CAP1: variants seen among roughly 807,000 people sequenced by gnomAD.
The protein encoded by CAP1 is cyclase associated actin cytoskeleton regulatory protein 1.
CAP1 carries 11 observed loss-of-function variants against 58.2 expected under a neutral mutation model. The ratio of observed to expected loss-of-function variants is 0.19; its 90% CI spans 0.12 to 0.31. The LOEUF (loss-of-function observed/expected upper bound fraction) is 0.31. Ranked by LOEUF, CAP1 falls within the 10% of genes least tolerant of loss-of-function variation. CAP1 has a pLI of 1.00. For missense variants in CAP1, 423 were observed against 587.5 expected (o/e 0.72, Z 2.89); for synonymous variants, 183 against 213.8 (o/e 0.86, Z 1.26).
At chr1:40,052,572 A>G (rs114690680) in intron 1 of CAP1, among the ~76,000 whole-genome samples, 2,023 of 152,182 alleles carry the variant, frequency 0.013, 45 homozygotes, top group African/African-American at 0.045. Context: ...ATTTATTTAA[A>G]TAAAAGAGAT....
intron 11 of CAP1, 140 bp downstream of exon 11, chr1:40,070,652 A>C: frequency 2.2e-6 from 2 of 929,190 alleles, no homozygotes; most frequent in Non-Finnish European, 3.3e-6. Flanking sequence ...TGGCAGAAGA[A>C]GGGTTGGCTC....
chr1:40,060,157 A>G lies in CAP1; in HGVS notation c.203A>G (p.Asp68Gly). ...AAGATCAGTAAAGAGATTGGGGGAG[A>G]CGTGCAGAAACATGTAAGGATGTTT... is the stretch of plus-strand genomic sequence containing the variant. Reference protein sequence around the residue: ...YLKISKEIGGDVQKHAEMVHT... With the variant: ...YLKISKEIGGGVQKHAEMVHT... Residue 68 changes from aspartate to glycine, a missense_variant, in exon 3 of 13, where the codon GAC becomes GGC. Asp to Gly is a moderately conservative substitution (Grantham distance 94). Transcript: ENST00000372805. 1 of 1,612,552 alleles carries G rather than the reference A, an allele frequency of 6.2e-7. No individual in the cohort carries two copies. The highest frequency in any genetic ancestry group is 8.5e-7 in the Non-Finnish European group (1 of 1,179,002).
Position 40,067,737 on chromosome 1 carries a change from C to T in CAP1, c.808+20C>T, listed in dbSNP as rs200380410. 374 of 1,572,424 alleles carry T rather than the reference C, an allele frequency of 2.4e-4. No individual in the cohort carries two copies. The highest frequency in any genetic ancestry group is 3.1e-4 in the Non-Finnish European group (361 of 1,154,250). ...CACATGGTGAGTGAGCACTTGGACACGAACAGTAGGTACAACAAGTTGTGT... is the reference window on the plus strand; with the variant it reads ...CACATGGTGAGTGAGCACTTGGACATGAACAGTAGGTACAACAAGTTGTGT... On this transcript the variant is annotated intron_variant, in intron 8 of 12. Transcript: ENST00000372805.
At chr1:40,060,020 C>A in intron 2 of CAP1, 47 bp from the exon 3 acceptor site, 3 of 1,483,194 alleles carry the variant, frequency 2.0e-6, no homozygotes, top group East Asian at 2.3e-5. Flanking sequence ...TTTAAAGAAG[C>A]CTCCTTCTGA....
In CAP1 at chr1:40,064,794, C is replaced by G. The variant is rs151222728; in HGVS notation, c.524+235C>G. ...GTCTCACTGTTTCCCAGGCTGGTCT[C>G]TAATGATTCTCCTGCCTTGGTCTCC... On this transcript the variant is annotated intron_variant, in intron 6 of 12. Coordinates refer to ENST00000372805, the MANE Select transcript of CAP1 (RefSeq NM_006367.4). Among the ~76,000 whole-genome samples, 22 of 152,228 alleles carry G rather than the reference C, an allele frequency of 1.4e-4. No homozygotes were observed. In the East Asian group the frequency reaches 4.2e-3, roughly 29 times the overall value.
In CAP1 at chr1:40,050,768, CTCCACA is replaced by C. The variant is rs150712919; in HGVS notation, c.-10-8565_-10-8560del. On this transcript the variant is annotated intron_variant, in intron 1 of 12. Transcript: ENST00000372805. Reference sequence around the variant, plus strand: ...TCTAGACCCTAATATCATCACTTGTCTCCACATCCCATTCTGTTTATCAGACAGTAC... The same window carrying C: ...TCTAGACCCTAATATCATCACTTGTCTCCCATTCTGTTTATCAGACAGTAC... 3.9e-3 allele frequency among the ~76,000 whole-genome samples: 592 copies of C among 152,276 alleles called. 14 individuals are homozygous for C. The highest frequency in any genetic ancestry group is 0.036 in the East Asian group (187 of 5,182).
chr1:40,070,491 C>T lies in CAP1; in HGVS notation c.1179C>T (p.Asn393=). Residue 393 remains asparagine, a synonymous_variant, in exon 11 of 13, where the codon AAC becomes AAT. Coordinates refer to ENST00000372805, the MANE Select transcript of CAP1 (RefSeq NM_006367.4). The stretch of plus-strand genomic sequence containing the variant: ...TGGTGGGCATTGTGGAGATAATCAA[C>T]AGTAAGGATGTCAAAGTTCAGGTAA... ...DDVVGIVEII[N]SKDVKVQVMG... The T allele has an allele frequency of 1.9e-6, 3 of 1,613,874 alleles. No individual in the cohort carries two copies. The highest frequency in any genetic ancestry group is 1.1e-5 in the South Asian group (1 of 91,080).
chr1:40,065,602 T>A (rs1647033645), intron 6 of CAP1, among the ~76,000 whole-genome samples: 2 of 152,232 alleles, frequency 1.3e-5, no homozygotes, highest in African/African-American at 4.8e-5. Context: ...AAACTAGGTC[T>A]TAGGCTAAAT....
chr1:40,050,037 T>G (rs1646284400), intron 1 of CAP1, among the ~76,000 whole-genome samples: 1 of 152,204 alleles, frequency 6.6e-6, no homozygotes, highest in African/African-American at 2.4e-5. Context: ...TACTTTGAGC[T>G]GTCTGAATGG....
intron 6 of CAP1, 68 bp from the exon 7 acceptor site, chr1:40,066,147 A>C (rs1449430566): frequency 1.2e-6 from 1 of 851,644 alleles, no homozygotes; most frequent in Non-Finnish European, 2.0e-6. Context: ...ATAGGAAAGA[A>C]GGGTTCTGGA....
intron 1 of CAP1, among the ~76,000 whole-genome samples, chr1:40,051,983 G>C (rs1463944246): frequency 1.3e-5 from 2 of 152,096 alleles, no homozygotes; most frequent in African/African-American, 2.4e-5. Flanking sequence ...CAATATGAGT[G>C]CTTCTGGAGG....
intron 1 of CAP1, among the ~76,000 whole-genome samples, chr1:40,054,327 AC>A (rs749997439): frequency 3.8e-4 from 58 of 151,926 alleles, no homozygotes; most frequent in Non-Finnish European, 2.1e-4. Context: ...AGTAGCTGGG[AC>A]TACAGGCGCA....
rs377481764 is a variant in CAP1 at position 40,070,970 on chromosome 1, C to T, written c.1335C>T (p.Gly445=). The T allele has an allele frequency of 1.3e-5, 21 of 1,609,902 alleles. No homozygotes were observed. The highest frequency in any genetic ancestry group is 1.7e-4 in the Middle Eastern group (1 of 6,054). ...TGAATGTCCTCATTCCTACAGAAGG[C>T]GGTGACTTTGTAAGTTTCTTGATCT... ...SEMNVLIPTE[G]GDFNEFPVPE... is the part of the protein sequence containing the mutation. The change falls in exon 12 of 13, where the codon GGC becomes GGT. Residue 445 remains glycine (G), a synonymous_variant. Coordinates refer to ENST00000372805, the MANE Select transcript of CAP1 (RefSeq NM_006367.4).
rs765857415 is a variant in CAP1 at position 40,070,183 on chromosome 1, C to G, written c.1018C>G (p.Leu340Val). The change falls in exon 10 of 13, where the codon CTG (leucine) becomes GTG (valine). Residue 340 changes from leucine to valine, a missense_variant. Leu to Val is a conservative substitution (Grantham distance 32). Transcript: ENST00000372805. ...RVENQENVSN[L>V]VIEDTELKQV... The stretch of plus-strand genomic sequence containing the variant: ...GGAAAATCAGGAAAATGTTTCCAAC[C>G]TGGTGATTGAGGACACAGAGCTGAA... 2 of 1,614,046 alleles carry G rather than the reference C, an allele frequency of 1.2e-6. No homozygotes were observed. Among genetic ancestry groups the G allele is most frequent in the South Asian group, 1.1e-5 (1 of 91,092 alleles).
intron 1 of CAP1, among the ~76,000 whole-genome samples, chr1:40,054,209 G>GTTTTTTTTTTTT (rs1570373222): frequency 1.8e-5 from 2 of 111,438 alleles, no homozygotes; most frequent in African/African-American, 4.0e-5. Context: ...TTTTTTTTTG[G>GTTTTTTTTTTTT]AAACATAATC....
chr1:40,044,051 G>C (rs1032642311), intron 1 of CAP1, among the ~76,000 whole-genome samples: 1 of 152,154 alleles, frequency 6.6e-6, no homozygotes, highest in Non-Finnish European at 1.5e-5. Context: ...GATTCAGTGA[G>C]TATATTTTTG....
intron 1 of CAP1, among the ~76,000 whole-genome samples, chr1:40,045,510 C>G (rs1197786031): frequency 6.6e-6 from 1 of 152,016 alleles, no homozygotes. Context: ...GTAATCTTCT[C>G]GCTTCAGCCT....
chr1:40,053,081 G>A (rs1156247929), intron 1 of CAP1, among the ~76,000 whole-genome samples: 1 of 152,026 alleles, frequency 6.6e-6, no homozygotes, highest in Non-Finnish European at 1.5e-5. Context: ...AAAATTAGCC[G>A]GGCGTGGTGG....
At chr1:40,059,307 T>A (rs1405196522) in intron 1 of CAP1, 30 bp from the exon 2 acceptor site, 1 of 1,294,968 alleles carries the variant, frequency 7.7e-7, no homozygotes. Flanking sequence ...AATATTTAAA[T>A]AACAAATGAC....
Sources: allele counts gnomAD v4.1 joint callset (sites outside exome capture counted in the v4.1 genomes callset), GRCh38; gene constraint gnomAD v4.1.1; transcripts MANE v1.5; gene names NCBI Gene and HGNC (gene_info 2026-07-23, HGNC 2026-07-21).